Variants in DNAH14 observed in about 807,000 individuals in gnomAD.
DNAH14 encodes the protein axonemal beta dynein heavy chain 14.
DNAH14 carries 478 observed loss-of-function variants against 520.9 expected under a neutral mutation model. The ratio of observed to expected loss-of-function variants is 0.92; its 90% CI spans 0.85 to 0.99. The LOEUF (loss-of-function observed/expected upper bound fraction) is 0.99. Among genes scored for constraint, DNAH14 ranks in the 50% least tolerant of loss-of-function variants. The probability of loss-of-function intolerance (pLI) is 0.00; values close to 1 mark genes in which losing one functional copy is unlikely to be tolerated. For missense variants in DNAH14, 4,831 were observed against 5,234.5 expected, an observed-to-expected ratio of 0.92 and a Z score of 2.38; for synonymous variants, 1,581 against 1,757.2, an observed-to-expected ratio of 0.90 and a Z score of 2.51.
intron 7 of DNAH14, among the ~76,000 whole-genome samples, chr1:224,971,078 T>C (rs1309526998): frequency 1.3e-5 from 2 of 152,234 alleles, no homozygotes; most frequent in Admixed American, 1.3e-4. Flanking sequence ...GCTTGTTGAT[T>C]CAAGTTCATG....
At chr1:224,944,283 T>C (rs983284700) in intron 1 of DNAH14, among the ~76,000 whole-genome samples, 2 of 152,220 alleles carry the variant, frequency 1.3e-5, no homozygotes, top group Non-Finnish European at 2.9e-5. Context: ...CTTTGTTGGT[T>C]TAAAGTCTAT....
intron 83 of DNAH14, among the ~76,000 whole-genome samples, chr1:225,391,624 G>A (rs182706580): frequency 7.2e-5 from 11 of 152,064 alleles, no homozygotes; most frequent in South Asian, 4.2e-4. Context: ...GGACAGGGGT[G>A]GGGGGAGAAG....
At chr1:225,111,352 C>T (rs915784102) in intron 23 of DNAH14, among the ~76,000 whole-genome samples, 8 of 152,052 alleles carry the variant, frequency 5.3e-5, no homozygotes, top group African/African-American at 1.4e-4. Context: ...TTCTTATCCT[C>T]TTGCTGAATT....
Position 225,079,722 on chromosome 1 carries a change from G to A in DNAH14, c.2766+174G>A, listed in dbSNP as rs183386400. 5.2e-3 allele frequency among the ~76,000 whole-genome samples: 700 copies of A among 135,870 alleles called. 6 individuals are homozygous for A. Among genetic ancestry groups the A allele is most frequent in the African/African-American group, 0.018 (658 of 36,678 alleles). 89.1% of individuals were successfully genotyped at this position (135,870 alleles called of 152,430 possible). On this transcript the variant is annotated intron_variant, in intron 18 of 85. Transcript: ENST00000682510. The stretch of plus-strand genomic sequence containing the variant: ...GGAGTCTTGCTCTGTTGCCCAGGCT[G>A]GACTGCAGTGGCGCAATCTCGGCTC...
In DNAH14 at chr1:225,372,915, C is replaced by A. The variant is rs115581027; in HGVS notation, c.12319-1773C>A. Among the ~76,000 whole-genome samples the A allele has an allele frequency of 1.2e-3, 174 of 142,432 alleles. 1 individual carries two copies. Among genetic ancestry groups the A allele is most frequent in the African/African-American group, 4.0e-3 (162 of 40,868 alleles). 93.4% of individuals were successfully genotyped at this position (142,432 alleles called of 152,430 possible). A position where few individuals can be genotyped will look rare whatever the true frequency, so the allele number is the denominator to read the frequency against. On this transcript the variant is annotated intron_variant, in intron 77 of 85. Transcript: ENST00000682510. ...GGATTGTACTTAAATGACCAACGGACATAAGAAAAGATGCTCAAAATAACC... is the reference window on the plus strand; with the variant it reads ...GGATTGTACTTAAATGACCAACGGAAATAAGAAAAGATGCTCAAAATAACC...
intron 73 of DNAH14, among the ~76,000 whole-genome samples, chr1:225,355,558 T>G (rs2095420074): frequency 6.6e-6 from 1 of 152,066 alleles, no homozygotes; most frequent in Non-Finnish European, 1.5e-5. Context: ...TACTAACACA[T>G]TGGAGATTAG....
chr1:225,024,240 G>A, intron 11 of DNAH14: 1 of 986,130 alleles, frequency 1.0e-6, no homozygotes, highest in Non-Finnish European at 1.2e-6. Context: ...CAGGTTCAGA[G>A]TTAGTTTTTA....
rs2091381845 is a variant in DNAH14 at position 225,234,271 on chromosome 1, C to T, written c.6518+3120C>T. Among the ~76,000 whole-genome samples the T allele has an allele frequency of 2.0e-5, 3 of 152,270 alleles. No homozygotes were observed. The South Asian group carries it at 6.2e-4, about 32-fold the overall frequency. ...TGGCAGGATCTCGGCTCACTGCAAG[C>T]TCCACCTCCCAGGTTCACACCATTC... is the stretch of plus-strand genomic sequence containing the variant. On this transcript the variant is annotated intron_variant, in intron 42 of 85. Transcript: ENST00000682510.
intron 21 of DNAH14, among the ~76,000 whole-genome samples, chr1:225,087,912 C>T (rs2073985339): frequency 6.6e-6 from 1 of 152,138 alleles, no homozygotes; most frequent in Admixed American, 6.5e-5. Context: ...GGAATAGTGC[C>T]TATATGCATG....
intron 36 of DNAH14, among the ~76,000 whole-genome samples, chr1:225,179,939 C>T (rs944638308): frequency 4.6e-5 from 7 of 152,066 alleles, no homozygotes; most frequent in Non-Finnish European, 1.0e-4. Flanking sequence ...TATGATCCCA[C>T]TGCCTCTGGC....
intron 17 of DNAH14, among the ~76,000 whole-genome samples, chr1:225,056,590 T>C (rs371024219): frequency 6.6e-6 from 1 of 152,250 alleles, no homozygotes; most frequent in Non-Finnish European, 1.5e-5. Flanking sequence ...GTGTTTTAGA[T>C]ATGAAGTCCT....
rs540433466 is a variant in DNAH14, at chr1:225,346,880, T to C, written c.11296+226T>C. On this transcript the variant is annotated intron_variant, in intron 71 of 85. Transcript: ENST00000682510. Reference sequence around the variant, plus strand: ...ACCTACAAAGCAGAATATCTAATGGTAGTCAACAGGAACACACCCAAACAT... The same window carrying C: ...ACCTACAAAGCAGAATATCTAATGGCAGTCAACAGGAACACACCCAAACAT... 2.0e-5 allele frequency among the ~76,000 whole-genome samples: 3 copies of C among 152,260 alleles called. No individual in the cohort carries two copies. The East Asian group carries it at 5.8e-4, about 29-fold the overall frequency.
At chr1:225,144,832 A>G (rs1400978905) in intron 29 of DNAH14, among the ~76,000 whole-genome samples, 1 of 152,084 alleles carries the variant, frequency 6.6e-6, no homozygotes, top group Non-Finnish European at 1.5e-5. Context: ...ATAAGCCAAC[A>G]TATGCTTTTT....
intron 84 of DNAH14, chr1:225,396,762 C>T (rs987369434): frequency 1.6e-4 from 24 of 152,274 alleles, no homozygotes; most frequent in African/African-American, 5.8e-4. Context: ...AGAGTTAAAT[C>T]ACTCCAAAAG....
chr1:225,230,259 T>C (rs576721121), intron 41 of DNAH14, among the ~76,000 whole-genome samples: 1 of 152,312 alleles, frequency 6.6e-6, no homozygotes, highest in Admixed American at 6.5e-5. Flanking sequence ...AAAATCATTT[T>C]TCAAAAGATT....
chr1:224,943,043 C>T (rs1208555194), intron 1 of DNAH14, among the ~76,000 whole-genome samples: 1 of 152,198 alleles, frequency 6.6e-6, no homozygotes, highest in Non-Finnish European at 1.5e-5. Flanking sequence ...AGGATTCCCT[C>T]TTTTTCAATT....
intron 42 of DNAH14, among the ~76,000 whole-genome samples, chr1:225,235,001 T>C (rs1026736683): frequency 6.6e-6 from 1 of 152,206 alleles, no homozygotes; most frequent in Non-Finnish European, 1.5e-5. Context: ...AAAAGATAAT[T>C]TGACTTCTTC....
intron 10 of DNAH14, among the ~76,000 whole-genome samples, chr1:225,007,851 A>G (rs1285269349): frequency 6.6e-6 from 1 of 151,974 alleles, no homozygotes; most frequent in Non-Finnish European, 1.5e-5. Flanking sequence ...TGGCCAAGAG[A>G]ATCACCTAGA....
chr1:225,146,932 G>A (rs1458237387), intron 30 of DNAH14, among the ~76,000 whole-genome samples, 172 bp from the exon 31 acceptor site: 1 of 152,158 alleles, frequency 6.6e-6, no homozygotes, highest in South Asian at 2.1e-4. Context: ...GACTTGTCTA[G>A]CATCTAAGCA....
Sources: allele counts gnomAD v4.1 joint callset (sites outside exome capture counted in the v4.1 genomes callset), GRCh38; gene constraint gnomAD v4.1.1; transcripts MANE v1.5; gene names NCBI Gene and HGNC (gene_info 2026-07-23, HGNC 2026-07-21).